The following HSF1 variants were observed in gnomAD, a reference collection of about 807,000 sequenced individuals.
HSF1 encodes the protein heat shock factor protein 1.
Under a neutral mutation model 51.7 loss-of-function variants are expected in HSF1, and 32 were observed. The observed-to-expected ratio is 0.62, with a 90% CI of 0.47 to 0.83. The LOEUF (loss-of-function observed/expected upper bound fraction) is 0.83. HSF1 is among the 40% of genes least tolerant of loss of function. The pLI, the probability that HSF1 is intolerant of heterozygous loss-of-function variation, is 0.00. For missense variants in HSF1, 727 were observed against 717.0 expected (o/e 1.01, Z -0.16); for synonymous variants, 396 against 309.7 (o/e 1.28, Z -2.92).
At chr8:144,294,894 C>T (rs1045348414) in intron 1 of HSF1, among the ~76,000 whole-genome samples, 12 of 152,246 alleles carry the variant, frequency 7.9e-5, no homozygotes, top group African/African-American at 2.2e-4. Context: ...GTTATGATCC[C>T]GGGGATCCAC....
chr8:144,295,107 G>A (rs562410867), intron 1 of HSF1, among the ~76,000 whole-genome samples: 34 of 152,232 alleles, frequency 2.2e-4, no homozygotes, highest in African/African-American at 7.2e-4. Context: ...CCCTGGTGCC[G>A]GCCCTCAGCC....
chr8:144,312,083 G>A lies in HSF1; in HGVS notation c.981G>A (p.Pro327=), dbSNP rs782539998. 92 of 1,612,046 alleles carry A rather than the reference G, an allele frequency of 5.7e-5. No individual in the cohort carries two copies. The East Asian group carries it at 1.0e-3, about 18-fold the overall frequency. ...RPSSVDTLLS[P]TALIDSILRE... Reference sequence around the variant, plus strand: ...CTTCCGTGGACACCCTCTTGTCCCCGACCGCCCTCATTGACTCCATCCTGC... The same window carrying A: ...CTTCCGTGGACACCCTCTTGTCCCCAACCGCCCTCATTGACTCCATCCTGC... The change falls in exon 9 of 13, where the codon CCG becomes CCA. Residue 327 remains proline (P), a synonymous_variant. Transcript: ENST00000528838.
rs917029296 is a variant in HSF1 at position 144,314,244 on chromosome 8, G to A, written c.1504G>A (p.Glu502Lys). The A allele has an allele frequency of 4.5e-6, 7 of 1,550,382 alleles. No homozygotes were observed. Among genetic ancestry groups the A allele is most frequent in the Non-Finnish European group, 5.2e-6 (6 of 1,147,032 alleles). The change falls in exon 13 of 13, where the codon GAA becomes AAA. Residue 502 changes from glutamate (E) to lysine (K), a missense_variant. By Grantham distance (56) the Glu-to-Lys change is moderately conservative. Around this residue, in one of 2 missense-constraint regions of HSF1, gnomAD observed 470 missense variants for 398.8 expected, o/e 1.18. Coordinates refer to ENST00000528838, the MANE Select transcript of HSF1 (RefSeq NM_005526.4). ...GCTGGGAGAGGGCTCCTACTTCTCC[G>A]AAGGGGACGGCTTCGCCGAGGACCC... The part of the protein sequence containing the change: ...FELGEGSYFS[E>K]GDGFAEDPTI...
At chr8:144,299,501 A>G (rs1019085557) in intron 1 of HSF1, among the ~76,000 whole-genome samples, 1 of 152,184 alleles carries the variant, frequency 6.6e-6, no homozygotes, top group Admixed American at 6.5e-5. Context: ...CAAAGCAGAA[A>G]AATGGACTTG....
chr8:144,299,904 G>A (rs559443026), intron 1 of HSF1, among the ~76,000 whole-genome samples: 18 of 152,164 alleles, frequency 1.2e-4, no homozygotes, highest in African/African-American at 4.1e-4. Context: ...GCGAGACCCC[G>A]TCTCAAAAAA....
chr8:144,313,286 C>A, intron 9 of HSF1: 1 of 536,192 alleles, frequency 1.9e-6, no homozygotes, highest in South Asian at 2.3e-5. Flanking sequence ...CCCAGGCCCT[C>A]ATGGCAAAGG....
chr8:144,291,809 T>A lies in HSF1; in HGVS notation c.52T>A (p.Phe18Ile). 2 of 1,546,338 alleles carry A rather than the reference T, an allele frequency of 1.3e-6. No individual in the cohort carries two copies. Among genetic ancestry groups the A allele is most frequent in the Non-Finnish European group, 1.7e-6 (2 of 1,149,704 alleles). Residue 18 changes from phenylalanine (F) to isoleucine (I), a missense_variant, in exon 1 of 13, where the codon TTC (phenylalanine) becomes ATC (isoleucine). Around this residue, in one of 2 missense-constraint regions of HSF1, gnomAD observed 257 missense variants for 318.3 expected, o/e 0.81. Transcript: ENST00000528838. The surrounding 1 kb of genome is among the most constrained non-coding windows in gnomAD (Gnocchi z 4.1). Reference sequence around the variant, plus strand: ...GGCGGGGCCCAGCAACGTCCCGGCCTTCCTGACCAAGCTGTGGACCCTCGT... The same window carrying A: ...GGCGGGGCCCAGCAACGTCCCGGCCATCCTGACCAAGCTGTGGACCCTCGT... Reference protein sequence around the residue: ...GAAGPSNVPAFLTKLWTLVSD... With the variant: ...GAAGPSNVPAILTKLWTLVSD...
chr8:144,313,313 C>T, intron 9 of HSF1, 198 bp from the exon 10 acceptor site: 1 of 554,666 alleles, frequency 1.8e-6, no homozygotes, highest in Non-Finnish European at 3.2e-6. Flanking sequence ...CAGCATAGGC[C>T]CAGCCGCACC....
chr8:144,302,380 G>T (rs1401716426), intron 1 of HSF1, among the ~76,000 whole-genome samples: 1 of 151,664 alleles, frequency 6.6e-6, no homozygotes, highest in Non-Finnish European at 1.5e-5. Context: ...GATGGCAGGT[G>T]CCTGTAGTCC....
chr8:144,295,805 T>G (rs868948850), intron 1 of HSF1, among the ~76,000 whole-genome samples: 2 of 151,392 alleles, frequency 1.3e-5, no homozygotes, highest in Non-Finnish European at 2.9e-5. Flanking sequence ...CAAGCCATCC[T>G]CCCATCTCAG....
chr8:144,300,172 C>T (rs1428510902), intron 1 of HSF1, among the ~76,000 whole-genome samples: 2 of 151,010 alleles, frequency 1.3e-5, no homozygotes, highest in East Asian at 3.9e-4. Flanking sequence ...AGGGACCATG[C>T]TCACCATCAG....
chr8:144,312,999 G>C lies in HSF1; in HGVS notation c.1143-512G>C, dbSNP rs959942929. 2.3e-5 allele frequency: 12 copies of C among 517,414 alleles called. No homozygotes were observed. In the Admixed American group the frequency reaches 2.9e-4, roughly 13 times the overall value. 32.1% of individuals were successfully genotyped at this position (517,414 alleles called of 1,614,324 possible). A position where few individuals can be genotyped will look rare whatever the true frequency, so the allele number is the denominator to read the frequency against. ...GCTGACTGCACTTCCTGTCAGGCAG[G>C]GTCTCCAGGGCACCTCTGGGACCCA... On this transcript the variant is annotated intron_variant, in intron 9 of 12. Coordinates refer to ENST00000528838, the MANE Select transcript of HSF1 (RefSeq NM_005526.4).
At chr8:144,298,614 A>G (rs1815646911) in intron 1 of HSF1, among the ~76,000 whole-genome samples, 2 of 151,908 alleles carry the variant, frequency 1.3e-5, no homozygotes, top group Non-Finnish European at 2.9e-5. Flanking sequence ...AAAAAAAAGA[A>G]AGAAAAGAAA....
chr8:144,313,318 C>T (rs554776072), intron 9 of HSF1, 193 bp from the exon 10 acceptor site: 25 of 557,856 alleles, frequency 4.5e-5, no homozygotes, highest in East Asian at 9.0e-5. Context: ...TAGGCCCAGC[C>T]GCACCCCTGC....
intron 2 of HSF1, 193 bp from the exon 3 acceptor site, chr8:144,309,262 G>A (rs1233693847): frequency 1.6e-5 from 12 of 730,702 alleles, no homozygotes; most frequent in African/African-American, 1.1e-4. Context: ...TGTGTCGGGC[G>A]CAGGGAGCCC....
At chr8:144,307,537 C>T (rs979608575) in intron 1 of HSF1, among the ~76,000 whole-genome samples, 1 of 152,220 alleles carries the variant, frequency 6.6e-6, no homozygotes, top group Non-Finnish European at 1.5e-5. Context: ...GTCAGGAATT[C>T]GAGACCAGTC....
At chr8:144,299,939 A>T (rs1815743756) in intron 1 of HSF1, among the ~76,000 whole-genome samples, 1 of 152,250 alleles carries the variant, frequency 6.6e-6, no homozygotes, top group East Asian at 1.9e-4. Context: ...TGAGAAATGG[A>T]AGATACAGAA....
rs782383085 is a variant in HSF1 at position 144,314,133 on chromosome 8, C to G, written c.1393C>G (p.Leu465Val). The part of the protein sequence containing the change: ...ENSSPDSGKQ[L>V]VHYTAQPLFL... ...CACCCCCACCCCCGCAGGGAAGCAG[C>G]TGGTGCACTACACAGCGCAGCCGCT... Residue 465 changes from leucine to valine, a missense_variant, in exon 13 of 13, where the codon CTG (leucine) becomes GTG (valine). This residue lies in a region of HSF1 where 470 missense variants were observed against 398.8 expected (regional missense o/e 1.18). Coordinates refer to ENST00000528838, the MANE Select transcript of HSF1 (RefSeq NM_005526.4). The G allele has an allele frequency of 1.3e-6, 2 of 1,540,020 alleles. No homozygotes were observed. Among genetic ancestry groups the G allele is most frequent in the Non-Finnish European group, 1.7e-6 (2 of 1,143,148 alleles).
At position 144,297,706 on chromosome 8, in the gene HSF1, A is replaced by C. The variant is rs1815562797; in HGVS notation, c.117+5832A>C. 6.6e-6 allele frequency among the ~76,000 whole-genome samples: 1 copy of C among 152,112 alleles called. No homozygotes were observed. Among genetic ancestry groups the C allele is most frequent in the Admixed American group, 6.5e-5 (1 of 15,276 alleles). On this transcript the variant is annotated intron_variant, in intron 1 of 12. Transcript: ENST00000528838. This position sits in a 1 kb window ranked among gnomAD's most constrained non-coding sequence, Gnocchi z 4.6. ...TAAAGCCTATACTCCCGGGACCCGG[A>C]GAGGGAACAGCCGGCCAGCCGAGCC...
Sources: gnomAD v4.1 joint callset for allele counts (sites outside exome capture counted in the v4.1 genomes callset) on GRCh38, gnomAD v4.1.1 for gene constraint, gnomAD v4.1.1 regional missense constraint, Gnocchi (gnomAD v3.1) non-coding constraint, MANE v1.5 for transcripts, NCBI Gene and HGNC (gene_info 2026-07-23, HGNC 2026-07-21) for gene names.